PDE1A: variants seen among roughly 807,000 people sequenced by gnomAD.
PDE1A encodes phosphodiesterase 1A, also known as dual specificity calcium/calmodulin-dependent 3',5'-cyclic nucleotide phosphodiesterase 1A.
A neutral mutation model predicts 61.7 loss-of-function variants in PDE1A; 35 were observed. The observed-to-expected ratio is 0.57, with a 90% CI of 0.43 to 0.75. The LOEUF (loss-of-function observed/expected upper bound fraction) is 0.75, where lower values mean the gene tolerates loss of function less well. Ranked by LOEUF, PDE1A falls within the 30% of genes least tolerant of loss-of-function variation. PDE1A has a pLI of 0.00. For synonymous variants in PDE1A, 232 were observed against 213.2 expected, an observed-to-expected ratio of 1.09 and a Z score of -0.77; for missense variants, 597 against 630.6, an observed-to-expected ratio of 0.95 and a Z score of 0.57.
the PDE1A span, among the ~76,000 whole-genome samples, chr2:182,583,643 C>A: frequency 4.6e-5 from 7 of 152,304 alleles, no homozygotes; most frequent in Middle Eastern, 0.014. Flanking sequence ...TGGGTTCAAT[C>A]TCTCTCCTCT....
intron 1 of PDE1A, among the ~76,000 whole-genome samples, chr2:182,418,346 G>T (rs530657615): frequency 6.6e-6 from 1 of 152,164 alleles, no homozygotes; most frequent in African/African-American, 2.4e-5. Context: ...GGGCAATTAG[G>T]TGAAACGTTT....
At chr2:182,613,029 G>A in the PDE1A span, among the ~76,000 whole-genome samples, 1 of 152,098 alleles carries the variant, frequency 6.6e-6, no homozygotes, top group East Asian at 1.9e-4. Flanking sequence ...CAACTTTGTA[G>A]TTATACAAAT....
intron 2 of PDE1A, among the ~76,000 whole-genome samples, chr2:182,249,346 C>G (rs1339983635): frequency 6.6e-6 from 1 of 152,130 alleles, no homozygotes; most frequent in Non-Finnish European, 1.5e-5. Context: ...GGTAAAGGAA[C>G]ATACTGGGAA....
chr2:182,181,246 A>G (rs775942407), intron 13 of PDE1A, among the ~76,000 whole-genome samples: 1 of 152,072 alleles, frequency 6.6e-6, no homozygotes, highest in African/African-American at 2.4e-5. Context: ...TGATCTTTGA[A>G]GCTGATGACC....
intron 2 of PDE1A, among the ~76,000 whole-genome samples, chr2:182,495,431 T>C (rs1688654506): frequency 1.3e-5 from 2 of 152,198 alleles, no homozygotes; most frequent in African/African-American, 4.8e-5. Flanking sequence ...TGAAATTTTC[T>C]TGGCCTTCAG....
chr2:182,652,676 T>A, the PDE1A span, among the ~76,000 whole-genome samples: 1 of 152,106 alleles, frequency 6.6e-6, no homozygotes, highest in Non-Finnish European at 1.5e-5. Context: ...CATCACTGAG[T>A]GTTCAAGGTG....
In PDE1A at chr2:182,346,096, G is replaced by A. The variant is rs193145714; in HGVS notation, c.53+80482C>T. 3.8e-3 allele frequency among the ~76,000 whole-genome samples: 577 copies of A among 152,156 alleles called. 3 individuals are homozygous for A. Among genetic ancestry groups the A allele is most frequent in the African/African-American group, 0.012 (490 of 41,518 alleles). ...TGTATGTCTTACCAAAAACAGACAA[G>A]CTATGTTATTAAAGTTTAGATTTTC... On this transcript the variant is annotated intron_variant, in intron 1 of 13. Coordinates refer to ENST00000351439, the Ensembl canonical transcript of PDE1A.
the PDE1A span, among the ~76,000 whole-genome samples, chr2:182,555,370 A>G: frequency 6.6e-6 from 1 of 152,210 alleles, no homozygotes; most frequent in Non-Finnish European, 1.5e-5. Flanking sequence ...AGGAGCTACA[A>G]TAAAATAACT....
At chr2:182,618,756 A>G in the PDE1A span, among the ~76,000 whole-genome samples, 1 of 152,206 alleles carries the variant, frequency 6.6e-6, no homozygotes, top group African/African-American at 2.4e-5. Flanking sequence ...CAACTGAAAA[A>G]TTATCTGTTT....
the PDE1A span, among the ~76,000 whole-genome samples, chr2:182,597,087 G>C: frequency 1.3e-5 from 2 of 152,102 alleles, no homozygotes; most frequent in African/African-American, 4.8e-5. Flanking sequence ...TGGAGGTTGA[G>C]GCTGAGGTGA....
chr2:182,691,151 A>C, the PDE1A span, among the ~76,000 whole-genome samples: 1 of 152,210 alleles, frequency 6.6e-6, no homozygotes, highest in Admixed American at 6.5e-5. Flanking sequence ...GCTACCAATG[A>C]CTTTCTTCAC....
the PDE1A span, among the ~76,000 whole-genome samples, chr2:182,642,218 C>T: frequency 8.5e-5 from 13 of 152,240 alleles, no homozygotes; most frequent in African/African-American, 2.2e-4. Context: ...TGGGGCTCAA[C>T]GCTTTGGAAA....
intron 2 of PDE1A, among the ~76,000 whole-genome samples, chr2:182,484,927 T>C (rs1394034987): frequency 6.6e-6 from 1 of 151,942 alleles, no homozygotes; most frequent in Non-Finnish European, 1.5e-5. Context: ...GGAATGTAAA[T>C]TAGTTCAACC....
At chr2:182,210,109 G>T (rs1007374125) in intron 7 of PDE1A, among the ~76,000 whole-genome samples, 1 of 152,196 alleles carries the variant, frequency 6.6e-6, no homozygotes, top group African/African-American at 2.4e-5. Flanking sequence ...AAGTATCTGT[G>T]CTATAAGTTT....
At chr2:182,303,717 G>T (rs1014377553) in intron 1 of PDE1A, among the ~76,000 whole-genome samples, 1 of 152,212 alleles carries the variant, frequency 6.6e-6, no homozygotes, top group African/African-American at 2.4e-5. Flanking sequence ...AGCAATGAAA[G>T]TACTAGATGG....
chr2:182,494,471 C>T (rs1688588485), intron 2 of PDE1A, among the ~76,000 whole-genome samples: 1 of 152,140 alleles, frequency 6.6e-6, no homozygotes, highest in Non-Finnish European at 1.5e-5. Flanking sequence ...ACAGTTTTGG[C>T]TTGCAGACAT....
At position 182,324,172 on chromosome 2, in the gene PDE1A, T is replaced by C. The variant is rs1696894835; in HGVS notation, c.54-59758A>G. 1.3e-5 allele frequency among the ~76,000 whole-genome samples: 2 copies of C among 152,226 alleles called. 1 individual carries two copies. Among genetic ancestry groups the C allele is most frequent in the South Asian group, 4.1e-4 (2 of 4,820 alleles). ...TCTCAATATATTACTATAAGGGAGA[T>C]AGGAAAAGAAGTATTATTTCAGTTT... On this transcript the variant is annotated intron_variant, in intron 1 of 13. Coordinates refer to ENST00000351439, the Ensembl canonical transcript of PDE1A.
the PDE1A span, among the ~76,000 whole-genome samples, chr2:182,536,233 G>T: frequency 6.6e-6 from 1 of 152,144 alleles, no homozygotes; most frequent in South Asian, 2.1e-4. Context: ...ATGTTATACA[G>T]GAAGCATGTA....
rs73046083 is a variant in PDE1A at position 182,237,856 on chromosome 2, G to A, written c.350+2254C>T. Among the ~76,000 whole-genome samples the A allele has an allele frequency of 7.1e-3, 1,074 of 152,254 alleles. 10 individuals carry two copies. The highest frequency in any genetic ancestry group is 0.024 in the African/African-American group (986 of 41,542). On this transcript the variant is annotated intron_variant, in intron 3 of 13. Transcript: ENST00000351439. ...AGAAATGTTCTTGAAATTGAAATCA[G>A]GCTGGTATAGGTGTTCAGTCAAGGA...
Sources: allele counts gnomAD v4.1 joint callset (sites outside exome capture counted in the v4.1 genomes callset), GRCh38; gene constraint gnomAD v4.1.1; transcripts MANE v1.5; gene names NCBI Gene and HGNC (gene_info 2026-07-23, HGNC 2026-07-21).